CTHRC1: variants seen among roughly 807,000 people sequenced by gnomAD.
CTHRC1 encodes the protein collagen triple helix repeat containing 1.
In CTHRC1, 21 loss-of-function variants were observed where a neutral mutation model predicts 25.9. That is an observed-to-expected ratio of 0.81 (90% CI 0.57 to 1.17). CTHRC1 has a LOEUF of 1.17. Among genes scored for constraint, CTHRC1 ranks in the 50% most tolerant of loss-of-function variants. The pLI is 0.00. For missense variants in CTHRC1, 281 were observed against 304.3 expected, an observed-to-expected ratio of 0.92 and a Z score of 0.57; for synonymous variants, 109 against 113.1, an observed-to-expected ratio of 0.96 and a Z score of 0.23.
chr8:103,379,516 C>A (rs925992448), intron 3 of CTHRC1, among the ~76,000 whole-genome samples: 2 of 151,772 alleles, frequency 1.3e-5, no homozygotes, highest in African/African-American at 4.8e-5. Context: ...CCAGAGACAC[C>A]ACTATCAATA....
rs1474121652 is a variant in CTHRC1 at position 103,378,646 on chromosome 8, G to A, written c.589+403G>A. Among the ~76,000 whole-genome samples, 5 of 152,280 alleles carry A rather than the reference G, an allele frequency of 3.3e-5. No individual in the cohort carries two copies. In the East Asian group the frequency reaches 7.7e-4, roughly 24 times the overall value. ...GTAGGAACTCTGGGAACTTTAAAAA[G>A]AAATGCCTATCCCACCCTTCCAGGG... On this transcript the variant is annotated intron_variant, in intron 3 of 3. Coordinates refer to ENST00000330295, the MANE Select transcript of CTHRC1 (RefSeq NM_138455.4).
At chr8:103,372,634 C>T (rs1586550437) in intron 1 of CTHRC1, 5 of 1,598,148 alleles carry the variant, frequency 3.1e-6, no homozygotes, top group South Asian at 2.2e-5. Context: ...GGCCCGAGTG[C>T]TTTCCAGGGG....
At chr8:103,372,759 C>T (rs1815731461) in intron 1 of CTHRC1, 3 of 893,462 alleles carry the variant, frequency 3.4e-6, no homozygotes, top group Non-Finnish European at 5.1e-6. Flanking sequence ...TCAGAGCTAC[C>T]GTAGTCCTTG....
chr8:103,379,653 G>GGT (rs1815871063), intron 3 of CTHRC1, among the ~76,000 whole-genome samples: 2 of 151,996 alleles, frequency 1.3e-5, no homozygotes, highest in South Asian at 4.2e-4. Flanking sequence ...CTATACATAT[G>GGT]GTTAGCATCA....
In CTHRC1 at chr8:103,371,760, A is replaced by C. The variant is rs1383480390; in HGVS notation, c.104A>C (p.Lys35Thr). 2.6e-6 allele frequency: 4 copies of C among 1,534,862 alleles called. No homozygotes were observed. Among genetic ancestry groups the C allele is most frequent in the Admixed American group, 2.0e-5 (1 of 49,908 alleles). Residue 35 changes from lysine (K) to threonine (T), a missense_variant, in exon 1 of 4, where the codon AAG becomes ACG. Coordinates refer to ENST00000330295, the MANE Select transcript of CTHRC1 (RefSeq NM_138455.4). ...CCGTCGAGCGCCTCTGAGATCCCCAAGGGGAAGCAAAAGGCGCAGCTCCGG... is the reference window on the plus strand; with the variant it reads ...CCGTCGAGCGCCTCTGAGATCCCCACGGGGAAGCAAAAGGCGCAGCTCCGG... ...PAPSSASEIP[K>T]GKQKAQLRQR...
intron 3 of CTHRC1, among the ~76,000 whole-genome samples, chr8:103,380,656 A>G (rs1815893150): frequency 6.6e-6 from 1 of 152,196 alleles, no homozygotes. Flanking sequence ...TTCATTCAAC[A>G]TTATTTCATC....
intron 2 of CTHRC1, 87 bp from the exon 3 acceptor site, chr8:103,377,940 T>C (rs1815835027): frequency 1.1e-5 from 12 of 1,107,996 alleles, no homozygotes; most frequent in Admixed American, 5.1e-5. Flanking sequence ...GGGAAAAGGA[T>C]AGTTAAGTAA....
chr8:103,371,815 G>A lies in CTHRC1; in HGVS notation c.150+9G>A, dbSNP rs554274607. The A allele has an allele frequency of 4.7e-6, 7 of 1,499,172 alleles. No homozygotes were observed. The highest frequency in any genetic ancestry group is 2.1e-4 in the Middle Eastern group (1 of 4,774). 92.9% of individuals were successfully genotyped at this position (1,499,172 alleles called of 1,614,324 possible). On this transcript the variant is annotated intron_variant, in intron 1 of 3. Transcript: ENST00000330295. ...GGGAGGTGGTGGACCTGGTGAGTCC[G>A]AGGGAGCCGAGCCGGGACCGCCGCG...
chr8:103,378,678 A>G (rs1197110565), intron 3 of CTHRC1, among the ~76,000 whole-genome samples: 1 of 152,142 alleles, frequency 6.6e-6, no homozygotes, highest in African/African-American at 2.4e-5. Flanking sequence ...AGGGAGTCAG[A>G]TTTAACAGGT....
chr8:103,371,927 G>A, intron 1 of CTHRC1, 121 bp downstream of exon 1: 1 of 974,302 alleles, frequency 1.0e-6, no homozygotes, highest in South Asian at 2.0e-5. Flanking sequence ...TGTGTGTCGT[G>A]TGTCTTGCTG....
At chr8:103,373,647 G>C (rs1252556233) in intron 1 of CTHRC1, among the ~76,000 whole-genome samples, 1 of 148,686 alleles carries the variant, frequency 6.7e-6, no homozygotes, top group East Asian at 2.0e-4. Flanking sequence ...ATTCTTGTGG[G>C]GACTTGTCCT....
chr8:103,377,205 A>G (rs1201288306), intron 2 of CTHRC1: 1 of 152,194 alleles, frequency 6.6e-6, no homozygotes, highest in Admixed American at 6.5e-5. Flanking sequence ...CATATAGATA[A>G]AGACTAAAAA....
rs984307574 is a variant in CTHRC1, at chr8:103,382,446, T to C, written c.590-12T>C. On this transcript the variant is annotated splice_polypyrimidine_tract_variant and intron_variant, in intron 3 of 3. Coordinates refer to ENST00000330295, the MANE Select transcript of CTHRC1 (RefSeq NM_138455.4). ...TCTAAAGAAAGATGTAACTTTCATC[T>C]TTGTCTTGCAGTGGAAGGACTTTGT... 2 of 1,613,734 alleles carry C rather than the reference T, an allele frequency of 1.2e-6. No individual in the cohort carries two copies. Among genetic ancestry groups the C allele is most frequent in the Non-Finnish European group, 8.5e-7 (1 of 1,179,706 alleles).
chr8:103,375,956 T>G lies in CTHRC1; in HGVS notation c.369T>G (p.Ile123Met), dbSNP rs779752692. 6.2e-7 allele frequency: 1 copy of G among 1,610,556 alleles called. No individual in the cohort carries two copies. Among genetic ancestry groups the G allele is most frequent in the Admixed American group, 1.7e-5 (1 of 59,812 alleles). ...SLNYGIDLGKIAECTFTKMRS... is the reference protein window; with the variant it reads ...SLNYGIDLGKMAECTFTKMRS... ...ATTATGGCATAGATCTTGGGAAAAT[T>G]GCGGTAAGTTTGAATTATTTTAAAA... is the stretch of plus-strand genomic sequence containing the variant. The change falls in exon 2 of 4, where the codon ATT becomes ATG. Residue 123 changes from isoleucine (I) to methionine (M), a missense_variant. Transcript: ENST00000330295.
intron 2 of CTHRC1, among the ~76,000 whole-genome samples, chr8:103,377,650 C>CT (rs1350889363): frequency 6.6e-6 from 1 of 152,014 alleles, no homozygotes; most frequent in East Asian, 1.9e-4. Flanking sequence ...TTTGCCCAGG[C>CT]TAAAGTGCAG....
chr8:103,378,347 T>C (rs1586554170), intron 3 of CTHRC1, 104 bp downstream of exon 3: 3 of 898,586 alleles, frequency 3.3e-6, no homozygotes, highest in Admixed American at 2.0e-5. Flanking sequence ...AAGGGACCTC[T>C]AGCAAGTTTT....
At position 103,378,064 on chromosome 8, in the gene CTHRC1, T is replaced by TA; in HGVS notation, c.412dup (p.Arg138LysfsTer28). ...ACAAAGATGCGTTCAAATAGTGCTC[T>TA]AAGAGTTTTGTTCAGTGGCTCACTT... On this transcript the variant is annotated frameshift_variant, in exon 3 of 4. Transcript: ENST00000330295. LOFTEE classifies it high-confidence loss of function. The TA allele has an allele frequency of 6.2e-7, 1 of 1,614,186 alleles. No individual in the cohort carries two copies. Among genetic ancestry groups the TA allele is most frequent in the Non-Finnish European group, 8.5e-7 (1 of 1,179,998 alleles).
chr8:103,380,450 T>C (rs1420989786), intron 3 of CTHRC1, among the ~76,000 whole-genome samples: 1 of 152,198 alleles, frequency 6.6e-6, no homozygotes, highest in Non-Finnish European at 1.5e-5. Flanking sequence ...TGATAGTCTC[T>C]CTTAAGGGAA....
At chr8:103,382,419 G>T (rs777119029) in intron 3 of CTHRC1, 39 bp from the exon 4 acceptor site, 2 of 1,610,262 alleles carry the variant, frequency 1.2e-6, no homozygotes, top group Admixed American at 3.3e-5. Context: ...TTTGCTCTTT[G>T]TTCTAAAGAA....
Sources: allele counts gnomAD v4.1 joint callset (sites outside exome capture counted in the v4.1 genomes callset), GRCh38; gene constraint gnomAD v4.1.1; transcripts MANE v1.5; gene names NCBI Gene and HGNC (gene_info 2026-07-23, HGNC 2026-07-21).